The following KCNT1 variants were observed in gnomAD, a reference collection of about 807,000 sequenced individuals.
KCNT1 encodes the protein potassium sodium-activated channel subfamily T member 1, also known as potassium channel subfamily T member 1.
In KCNT1, 78 loss-of-function variants were observed where a neutral mutation model predicts 147.8. The observed-to-expected ratio is 0.53, with a 90% CI of 0.44 to 0.64. The LOEUF is 0.64. KCNT1 is among the 30% of genes least tolerant of loss of function. The probability of loss-of-function intolerance (pLI) is 0.00; values close to 1 mark genes in which losing one functional copy is unlikely to be tolerated. For synonymous variants in KCNT1, 867 were observed against 748.8 expected (o/e 1.16, Z -2.58); for missense variants, 1,419 against 1,750.3 (o/e 0.81, Z 3.38).
rs991393809 is a variant in KCNT1, at chr9:135,752,636, T to C, written c.435-1301T>C. The stretch of plus-strand genomic sequence containing the variant: ...GGATGGATGGTGGATGATGGATGGA[T>C]GGACGGACGGACGGATGGACGGATG... On this transcript the variant is annotated intron_variant, in intron 4 of 30. Coordinates refer to ENST00000371757, the MANE Select transcript of KCNT1 (RefSeq NM_020822.3). This position sits in a 1 kb window ranked among gnomAD's most constrained non-coding sequence, Gnocchi z 5.1. Among the ~76,000 whole-genome samples, 1 of 151,120 alleles carries C rather than the reference T, an allele frequency of 6.6e-6. No individual in the cohort carries two copies. Among genetic ancestry groups the C allele is most frequent in the Non-Finnish European group, 1.5e-5 (1 of 67,764 alleles).
At chr9:135,784,262 G>A in intron 25 of KCNT1, 137 bp downstream of exon 25, 1 of 748,720 alleles carries the variant, frequency 1.3e-6, no homozygotes, top group Non-Finnish European at 2.3e-6. Context: ...GGAGACCTCT[G>A]GGCCCTGTCC....
At position 135,737,950 on chromosome 9, in the gene KCNT1, C is replaced by T. The variant is rs75328213; in HGVS notation, c.255-12148C>T. ...CAGGGAGGCGAGCACTGGCCAAGGC[C>T]CTGGGGACCACAGTCCCCTCCCCCT... On this transcript the variant is annotated intron_variant, in intron 2 of 30. Coordinates refer to ENST00000371757, the MANE Select transcript of KCNT1 (RefSeq NM_020822.3). Among the ~76,000 whole-genome samples, 7 of 152,302 alleles carry T rather than the reference C, an allele frequency of 4.6e-5. No homozygotes were observed. In the East Asian group the frequency reaches 1.4e-3, roughly 29 times the overall value.
chr9:135,740,574 T>C (rs1830521694), intron 2 of KCNT1, among the ~76,000 whole-genome samples: 1 of 152,216 alleles, frequency 6.6e-6, no homozygotes, highest in Admixed American at 6.5e-5. Flanking sequence ...CCCCAGGCTC[T>C]GCAGGACACA....
At position 135,758,226 on chromosome 9, in the gene KCNT1, GGT is replaced by G. The variant is rs1340479780; in HGVS notation, c.760-186_760-185del. ...CTCAGCCGAGACGCAGGTGTGGCCA[GGT>G]GCAGGCTGCCCCATGGGCCTCAGCC... On this transcript the variant is annotated intron_variant, in intron 9 of 30. Coordinates refer to ENST00000371757, the MANE Select transcript of KCNT1 (RefSeq NM_020822.3). Among the ~76,000 whole-genome samples, 93 of 147,862 alleles carry G rather than the reference GGT, an allele frequency of 6.3e-4. 3 individuals carry two copies. The highest frequency in any genetic ancestry group is 4.1e-4 in the Non-Finnish European group (27 of 66,174).
intron 29 of KCNT1, chr9:135,791,596 C>T (rs888893758): frequency 1.7e-6 from 1 of 574,672 alleles, no homozygotes; most frequent in African/African-American, 1.9e-5. Flanking sequence ...CCTGGCTGTC[C>T]CCTGCCCTGT....
rs139528571 is a variant in KCNT1, at chr9:135,702,326, C to T, written c.68C>T (p.Thr23Ile). The change falls in exon 1 of 31, where the codon ACC becomes ATC. Residue 23 changes from threonine (T) to isoleucine (I), a missense_variant. Transcript: ENST00000371757. ...VCREARGGGY[T>I]NRTFEFDDGQ... The stretch of plus-strand genomic sequence containing the variant: ...CGGGAGGCGCGCGGCGGGGGCTACA[C>T]CAACCGGACCTTCGAGTTTGACGAC... 2.5e-6 allele frequency: 4 copies of T among 1,611,590 alleles called. No individual in the cohort carries two copies. In the African/African-American group the frequency reaches 5.3e-5, roughly 22 times the overall value.
chr9:135,778,972 GCCACGA>G (rs1833390399), intron 23 of KCNT1, 150 bp downstream of exon 23: 1 of 944,290 alleles, frequency 1.1e-6, no homozygotes, highest in East Asian at 2.9e-5. Context: ...GACCGCCACA[GCCACGA>G]CCACGGGCCC....
In KCNT1 at chr9:135,792,133, C is replaced by T. The variant is rs748571213; in HGVS notation, c.3680C>T (p.Pro1227Leu). 1.2e-6 allele frequency: 2 copies of T among 1,606,026 alleles called. No homozygotes were observed. The highest frequency in any genetic ancestry group is 2.2e-5 in the East Asian group (1 of 44,834). ...SCSHKLSSCN[P>L]ETRDETQL is the part of the protein sequence containing the mutation. ...AGCCACAAGCTGTCGTCCTGCAACC[C>T]CGAGACTCGCGACGAGACACAGCTC... Residue 1227 changes from proline to leucine, a missense_variant, in exon 31 of 31, where the codon CCC (proline) becomes CTC (leucine). Pro to Leu is a moderately conservative substitution (Grantham distance 98, BLOSUM62 -3). Coordinates refer to ENST00000371757, the MANE Select transcript of KCNT1 (RefSeq NM_020822.3).
intron 28 of KCNT1, chr9:135,785,888 A>G (rs1834005596): frequency 2.1e-6 from 1 of 485,734 alleles, no homozygotes; most frequent in South Asian, 2.5e-5. Flanking sequence ...GGCCGGACCC[A>G]CAGAAATAAG....
chr9:135,714,760 C>T lies in KCNT1; in HGVS notation c.254+40C>T, dbSNP rs1188001162. ...CGGGGTGGGGGCTGGGGTCGCCGTC[C>T]CGGCGCCGCCGCACGCCCGGAGCTG... On this transcript the variant is annotated intron_variant, in intron 2 of 30. Transcript: ENST00000371757. The surrounding 1 kb of genome is among the most constrained non-coding windows in gnomAD (Gnocchi z 6.2). 1.7e-6 allele frequency: 2 copies of T among 1,201,350 alleles called. No homozygotes were observed. The allele number at this position is 1,201,350 out of a possible 1,614,324, so 74.4% of individuals were successfully genotyped here.
chr9:135,767,119 T>G (rs62583548), intron 13 of KCNT1, among the ~76,000 whole-genome samples: 34,985 of 152,148 alleles, frequency 0.23, 4,167 homozygotes, highest in Middle Eastern at 0.33. Context: ...GGCATAGTGT[T>G]GGTGGTACTC....
rs1205057485 is a variant in KCNT1 at position 135,752,858 on chromosome 9, G to T, written c.435-1079G>T. 6.6e-6 allele frequency among the ~76,000 whole-genome samples: 1 copy of T among 150,828 alleles called. No individual in the cohort carries two copies. The highest frequency in any genetic ancestry group is 1.5e-5 in the Non-Finnish European group (1 of 67,684). ...TGGATGGAGGGATGAGTGAATGGGT[G>T]GAGGGATGAGTGGATGGATGGAGAG... On this transcript the variant is annotated intron_variant, in intron 4 of 30. Coordinates refer to ENST00000371757, the MANE Select transcript of KCNT1 (RefSeq NM_020822.3). This position sits in a 1 kb window ranked among gnomAD's most constrained non-coding sequence, Gnocchi z 5.1.
At position 135,764,982 on chromosome 9, in the gene KCNT1, C is replaced by A. The variant is rs1353645441; in HGVS notation, c.1036-49C>A. The A allele has an allele frequency of 7.7e-6, 12 of 1,562,994 alleles. No homozygotes were observed. The Admixed American group carries it at 2.2e-4, about 28-fold the overall frequency. On this transcript the variant is annotated intron_variant, in intron 11 of 30. Coordinates refer to ENST00000371757, the MANE Select transcript of KCNT1 (RefSeq NM_020822.3). The stretch of plus-strand genomic sequence containing the variant: ...GGGCCCAGGTTCTTCACCGGGAGCC[C>A]TCGCTCCCCAGGCCTGGTCGCTGGT...
chr9:135,742,638 C>T (rs1291727611), intron 2 of KCNT1: 2 of 671,378 alleles, frequency 3.0e-6, no homozygotes, highest in East Asian at 5.4e-5. Context: ...GTCTGTGCCC[C>T]GCCTGGTCCC....
intron 2 of KCNT1, among the ~76,000 whole-genome samples, chr9:135,733,119 G>C (rs1235387585): frequency 2.0e-5 from 3 of 151,906 alleles, no homozygotes; most frequent in Non-Finnish European, 4.4e-5. Flanking sequence ...TCGGCTCTGA[G>C]TCATTCATCT....
At chr9:135,753,211 C>T (rs1239189065) in intron 4 of KCNT1, among the ~76,000 whole-genome samples, 1 of 151,948 alleles carries the variant, frequency 6.6e-6, no homozygotes, top group African/African-American at 2.4e-5. Flanking sequence ...TCTGTGGGCA[C>T]TTAGTTTGCA....
chr9:135,756,255 A>AG (rs1306880016), intron 6 of KCNT1, among the ~76,000 whole-genome samples: 1 of 152,156 alleles, frequency 6.6e-6, no homozygotes, highest in East Asian at 1.9e-4. Context: ...CAATTTTCCC[A>AG]GGGATCCCTG....
rs117765245 is a variant in KCNT1, at chr9:135,731,901, C to T, written c.254+17181C>T. On this transcript the variant is annotated intron_variant, in intron 2 of 30. Transcript: ENST00000371757. ...CCTGTGTCTTGTTTTCCTGGGACTCCGTGCACAGTTCTTTCTTTGCTTCAT... is the reference window on the plus strand; with the variant it reads ...CCTGTGTCTTGTTTTCCTGGGACTCTGTGCACAGTTCTTTCTTTGCTTCAT... Among the ~76,000 whole-genome samples, 784 of 145,366 alleles carry T rather than the reference C, an allele frequency of 5.4e-3. 6 individuals are homozygous for T. Among genetic ancestry groups the T allele is most frequent in the Middle Eastern group, 0.04 (11 of 272 alleles).
intron 28 of KCNT1, 96 bp from the exon 29 acceptor site, chr9:135,786,101 C>T (rs1477144777): frequency 1.8e-6 from 2 of 1,142,738 alleles, no homozygotes; most frequent in Non-Finnish European, 2.5e-6. Context: ...CCCCAAGCTG[C>T]AGAGCCCACA....
Sources: gnomAD v4.1 joint callset for allele counts (sites outside exome capture counted in the v4.1 genomes callset) on GRCh38, gnomAD v4.1.1 for gene constraint, Gnocchi (gnomAD v3.1) non-coding constraint, MANE v1.5 for transcripts, NCBI Gene and HGNC (gene_info 2026-07-23, HGNC 2026-07-21) for gene names.